Variants in GPR137C observed in about 807,000 individuals in gnomAD.
GPR137C encodes G protein-coupled receptor 137C, also known as integral membrane protein GPR137C.
Under a neutral mutation model 43.4 loss-of-function variants are expected in GPR137C, and 27 were observed. The ratio of observed to expected loss-of-function variants is 0.62; its 90% confidence interval spans 0.46 to 0.86. The LOEUF is 0.86. Ranked by LOEUF, GPR137C falls within the 40% of genes least tolerant of loss-of-function variation. The pLI is 0.00. For synonymous variants in GPR137C, 285 were observed against 226.9 expected, an observed-to-expected ratio of 1.26 and a Z score of -2.30; for missense variants, 522 against 534.6, an observed-to-expected ratio of 0.98 and a Z score of 0.23.
chr14:52,578,660 G>A (rs111279416), intron 1 of GPR137C, among the ~76,000 whole-genome samples: 8,433 of 152,192 alleles, frequency 0.055, 264 homozygotes, highest in Middle Eastern at 0.075. Flanking sequence ...TGGAGGCCAG[G>A]CATGGTGGCT....
intron 1 of GPR137C, among the ~76,000 whole-genome samples, chr14:52,556,702 ATATTGAAGGACT>A (rs1244697975): frequency 1.3e-5 from 2 of 152,134 alleles, no homozygotes; most frequent in South Asian, 4.1e-4. Flanking sequence ...CCATTAGAAC[ATATTGAAGGACT>A]TAAAAGGAGA....
rs1420922856 is a variant in GPR137C at position 52,552,934 on chromosome 14, A to C, written c.-214A>C. Among the ~76,000 whole-genome samples the C allele has an allele frequency of 1.3e-5, 2 of 149,462 alleles. No individual in the cohort carries two copies. Among genetic ancestry groups the C allele is most frequent in the Non-Finnish European group, 3.0e-5 (2 of 67,382 alleles). ...TACGGAGCCGAGCCGCAGCAGGAGG[A>C]GCCGAGACCCCCGGGGGGTGGGGGG... On this transcript the variant is annotated 5_prime_UTR_variant, in exon 1 of 7. Coordinates refer to ENST00000321662, the MANE Select transcript of GPR137C (RefSeq NM_001099652.2).
In GPR137C at chr14:52,633,611, T is replaced by A; in HGVS notation, c.949T>A (p.Ser317Thr). Residue 317 changes from serine (S) to threonine (T), a missense_variant, in exon 5 of 7, where the codon TCG (serine) becomes ACG (threonine). This residue lies in a region of GPR137C where 437 missense variants were observed against 425.7 expected (regional missense o/e 1.03). Coordinates refer to ENST00000321662, the MANE Select transcript of GPR137C (RefSeq NM_001099652.2). ...LFLWEHVPAW[S>T]VVLFFRAQRL... ...TCTGTGGGAACATGTGCCAGCATGG[T>A]CGGTGGTACTGTTTTTCCGGGCACA... 6.2e-7 allele frequency: 1 copy of A among 1,613,184 alleles called. No individual in the cohort carries two copies. Among genetic ancestry groups the A allele is most frequent in the Non-Finnish European group, 8.5e-7 (1 of 1,179,346 alleles).
intron 1 of GPR137C, among the ~76,000 whole-genome samples, chr14:52,581,959 C>T (rs1397214663): frequency 6.6e-6 from 1 of 152,188 alleles, no homozygotes; most frequent in Non-Finnish European, 1.5e-5. Flanking sequence ...GTCTACATGT[C>T]ATGGGTGAAA....
intron 1 of GPR137C, among the ~76,000 whole-genome samples, chr14:52,583,588 C>A (rs1271181580): frequency 6.6e-6 from 1 of 152,216 alleles, no homozygotes; most frequent in African/African-American, 2.4e-5. Flanking sequence ...TCACTGAAAT[C>A]TAGCTCTTCT....
intron 1 of GPR137C, among the ~76,000 whole-genome samples, chr14:52,563,355 C>T (rs1460486041): frequency 6.7e-6 from 1 of 150,220 alleles, no homozygotes; most frequent in Non-Finnish European, 1.5e-5. Flanking sequence ...TATCTCCGAT[C>T]CTTACTCACC....
At chr14:52,597,330 G>C (rs773886593) in intron 1 of GPR137C, among the ~76,000 whole-genome samples, 8 of 152,196 alleles carry the variant, frequency 5.3e-5, no homozygotes, top group Non-Finnish European at 1.0e-4. Flanking sequence ...CCGTGGTCAT[G>C]TTTATGAATC....
At position 52,558,409 on chromosome 14, in the gene GPR137C, T is replaced by C. The variant is rs537765317; in HGVS notation, c.444+4818T>C. On this transcript the variant is annotated intron_variant, in intron 1 of 6. Transcript: ENST00000321662. Reference sequence around the variant, plus strand: ...TTGGTAAATAAGTCTTCCCTGGGAATGCAAAATAAGCTCATTCTTGCACAA... The same window carrying C: ...TTGGTAAATAAGTCTTCCCTGGGAACGCAAAATAAGCTCATTCTTGCACAA... Among the ~76,000 whole-genome samples the C allele has an allele frequency of 3.9e-5, 6 of 152,308 alleles. No homozygotes were observed. In the East Asian group the frequency reaches 1.2e-3, roughly 29 times the overall value.
intron 1 of GPR137C, among the ~76,000 whole-genome samples, chr14:52,575,189 C>T (rs1160414330): frequency 6.6e-6 from 1 of 152,102 alleles, no homozygotes; most frequent in African/African-American, 2.4e-5. Flanking sequence ...TTTTTCTTCT[C>T]ACCCATAAAT....
chr14:52,572,474 TAAAC>T (rs1025327014), intron 1 of GPR137C, among the ~76,000 whole-genome samples: 1 of 152,216 alleles, frequency 6.6e-6, no homozygotes, highest in African/African-American at 2.4e-5. Flanking sequence ...ATTCATCACA[TAAAC>T]AGAACCAATG....
At chr14:52,581,053 G>A (rs1447627602) in intron 1 of GPR137C, among the ~76,000 whole-genome samples, 2 of 151,296 alleles carry the variant, frequency 1.3e-5, no homozygotes, top group African/African-American at 2.4e-5. Context: ...AGAATTAGCC[G>A]GGCATGGTGG....
chr14:52,567,693 C>A (rs112480302), intron 1 of GPR137C, among the ~76,000 whole-genome samples: 3 of 150,178 alleles, frequency 2.0e-5, no homozygotes, highest in African/African-American at 7.3e-5. Flanking sequence ...AGAGAATCGC[C>A]CTGTTACCCA....
intron 3 of GPR137C, among the ~76,000 whole-genome samples, chr14:52,617,771 C>T (rs940900906): frequency 1.8e-4 from 28 of 152,112 alleles, no homozygotes; most frequent in Non-Finnish European, 7.4e-5. Context: ...GCTGTGTGAC[C>T]TTAGTCAAAT....
chr14:52,563,325 A>G (rs2038314593), intron 1 of GPR137C, among the ~76,000 whole-genome samples: 1 of 152,024 alleles, frequency 6.6e-6, no homozygotes, highest in Non-Finnish European at 1.5e-5. Context: ...CATGCCACTT[A>G]AAAACAGATG....
rs201122424 is a variant in GPR137C at position 52,633,660 on chromosome 14, G to A, written c.993+5G>A. 6.2e-7 allele frequency: 1 copy of A among 1,612,454 alleles called. No individual in the cohort carries two copies. Among genetic ancestry groups the A allele is most frequent in the East Asian group, 2.2e-5 (1 of 44,830 alleles). ...CAGAGATTAAACCAGAATTTGGTAT[G>A]ATATAATATTCCCCAATGCCTGTTC... On this transcript the variant is annotated splice_donor_5th_base_variant and intron_variant, in intron 5 of 6. Coordinates refer to ENST00000321662, the MANE Select transcript of GPR137C (RefSeq NM_001099652.2).
At position 52,553,564 on chromosome 14, in the gene GPR137C, C is replaced by G; in HGVS notation, c.417C>G (p.Leu139=). 1.9e-6 allele frequency: 3 copies of G among 1,603,928 alleles called. No homozygotes were observed. Among genetic ancestry groups the G allele is most frequent in the East Asian group, 4.5e-5 (2 of 44,490 alleles). The change falls in exon 1 of 7, where the codon CTC becomes CTG. Residue 139 remains leucine, a synonymous_variant. Transcript: ENST00000321662. The stretch of plus-strand genomic sequence containing the variant: ...CCTCCTGTCTCCAGTTCTCCACGCT[C>G]TGTCTCCTCAACCTCTACCTGGCGG... ...CFPSCLQFST[L]CLLNLYLAEV...
At chr14:52,591,020 C>G (rs1594793655) in intron 1 of GPR137C, among the ~76,000 whole-genome samples, 2 of 135,678 alleles carry the variant, frequency 1.5e-5, no homozygotes, top group Non-Finnish European at 3.1e-5. Context: ...TGTGATGTTC[C>G]CCACCCTGTG....
Position 52,553,088 on chromosome 14 carries a change from G to A in GPR137C, c.-60G>A, listed in dbSNP as rs929543125. On this transcript the variant is annotated 5_prime_UTR_variant, in exon 1 of 7. Coordinates refer to ENST00000321662, the MANE Select transcript of GPR137C (RefSeq NM_001099652.2). ...GGGGGCAGTCCTTCTCCCCTTCGAC[G>A]GCGGCTCCGAGTCCAGCCCCTTCCT... is the stretch of plus-strand genomic sequence containing the variant. The A allele has an allele frequency of 2.1e-6, 2 of 959,230 alleles. No individual in the cohort carries two copies. The highest frequency in any genetic ancestry group is 2.6e-6 in the Non-Finnish European group (2 of 770,014). 59.4% of individuals were successfully genotyped at this position (959,230 alleles called of 1,614,324 possible). A position where few individuals can be genotyped will look rare whatever the true frequency, so the allele number is the denominator to read the frequency against.
At chr14:52,555,942 T>A (rs1594776622) in intron 1 of GPR137C, among the ~76,000 whole-genome samples, 2 of 152,322 alleles carry the variant, frequency 1.3e-5, no homozygotes, top group East Asian at 3.9e-4. Flanking sequence ...GAGAGTATTT[T>A]AGTTCAAATT....
Sources: gnomAD v4.1 joint callset for allele counts (sites outside exome capture counted in the v4.1 genomes callset) on GRCh38, gnomAD v4.1.1 for gene constraint, gnomAD v4.1.1 regional missense constraint, MANE v1.5 for transcripts, NCBI Gene and HGNC (gene_info 2026-07-23, HGNC 2026-07-21) for gene names.